Variants in GRIK1 observed in about 807,000 individuals in gnomAD.
GRIK1 encodes glutamate receptor ionotropic, kainate 1.
Under a neutral mutation model 105.7 loss-of-function variants are expected in GRIK1, and 69 were observed. The observed-to-expected ratio is 0.65, with a 90% CI of 0.54 to 0.80. GRIK1 has a LOEUF of 0.80. Among genes scored for constraint, GRIK1 ranks in the 30% least tolerant of loss-of-function variants. GRIK1 has a pLI of 0.00. For missense variants in GRIK1, 1,109 were observed against 1,167.3 expected, an observed-to-expected ratio of 0.95 and a Z score of 0.73; for synonymous variants, 438 against 431.3, an observed-to-expected ratio of 1.02 and a Z score of -0.19.
intron 1 of GRIK1, among the ~76,000 whole-genome samples, chr21:29,905,619 ATTTTTTTTTT>A (rs869179451): frequency 2.8e-5 from 2 of 72,582 alleles, no homozygotes; most frequent in Non-Finnish European, 5.0e-5. Flanking sequence ...CAAATTTTGT[ATTTTTTTTTT>A]TTTTTTTTTT....
intron 1 of GRIK1, among the ~76,000 whole-genome samples, chr21:29,820,657 G>A (rs971604326): frequency 7.3e-4 from 36 of 49,134 alleles, no homozygotes; most frequent in African/African-American, 2.8e-3. Context: ...GACTCTATGG[G>A]ACTATAGTTC....
At chr21:29,563,407 T>C (rs991828447) in intron 14 of GRIK1, among the ~76,000 whole-genome samples, 1 of 152,174 alleles carries the variant, frequency 6.6e-6, no homozygotes, top group African/African-American at 2.4e-5. Context: ...AAAGGTCTTG[T>C]GAGACAAATA....
intron 1 of GRIK1, among the ~76,000 whole-genome samples, chr21:29,874,069 T>C (rs189398548): frequency 6.6e-6 from 1 of 152,236 alleles, no homozygotes; most frequent in East Asian, 1.9e-4. Context: ...ATACTGCGAG[T>C]GACGGGGACT....
At chr21:29,677,841 G>A (rs115356317) in intron 3 of GRIK1, among the ~76,000 whole-genome samples, 1 of 152,194 alleles carries the variant, frequency 6.6e-6, no homozygotes, top group South Asian at 2.1e-4. Flanking sequence ...AGCAGGAATT[G>A]GAAGAGACCT....
chr21:29,572,667 C>T (rs1214898570), intron 14 of GRIK1, among the ~76,000 whole-genome samples: 1 of 152,212 alleles, frequency 6.6e-6, no homozygotes, highest in Non-Finnish European at 1.5e-5. Flanking sequence ...TTGGCTCTTC[C>T]ATTGCTAGCT....
At chr21:29,861,587 G>T (rs1601878675) in intron 1 of GRIK1, 1 of 363,876 alleles carries the variant, frequency 2.7e-6, no homozygotes. Flanking sequence ...GATTATAGGT[G>T]TGAGCCAACA....
At chr21:29,573,709 C>A (rs1383367397) in intron 14 of GRIK1, among the ~76,000 whole-genome samples, 2 of 152,060 alleles carry the variant, frequency 1.3e-5, no homozygotes, top group African/African-American at 2.4e-5. Context: ...ATTAGCCAGG[C>A]ATGGTAGCAT....
intron 1 of GRIK1, among the ~76,000 whole-genome samples, chr21:29,892,712 C>T (rs1011398948): frequency 1.3e-5 from 2 of 152,328 alleles, no homozygotes; most frequent in Admixed American, 6.5e-5. Context: ...TCTCTATGCC[C>T]TTAGAGAAAT....
intron 7 of GRIK1, among the ~76,000 whole-genome samples, chr21:29,623,297 C>T (rs566138195): frequency 6.6e-6 from 1 of 152,122 alleles, no homozygotes; most frequent in African/African-American, 2.4e-5. Flanking sequence ...GAAAGACCCA[C>T]CCTCATGATT....
chr21:29,828,011 CTGTGTGTG>C (rs138594747), intron 1 of GRIK1, among the ~76,000 whole-genome samples: 1 of 76,378 alleles, frequency 1.3e-5, no homozygotes, highest in African/African-American at 3.2e-5. Flanking sequence ...CTGTCTCTCT[CTGTGTGTG>C]TGTGTGTGTG....
chr21:29,793,276 T>G (rs1212490552), intron 1 of GRIK1, among the ~76,000 whole-genome samples: 1 of 152,194 alleles, frequency 6.6e-6, no homozygotes, highest in African/African-American at 2.4e-5. Context: ...AACATTTTTT[T>G]GTGTGTGTAA....
chr21:29,563,176 C>G (rs1568820797), intron 14 of GRIK1, among the ~76,000 whole-genome samples: 1 of 152,198 alleles, frequency 6.6e-6, no homozygotes, highest in Admixed American at 6.5e-5. Flanking sequence ...GATGCACCAT[C>G]TCCGTAGTTC....
Position 29,555,144 on chromosome 21 carries a change from A to G in GRIK1, c.2515T>C (p.Phe839Leu). Residue 839 changes from phenylalanine to leucine, a missense_variant, in exon 16 of 18, where the codon TTC becomes CTC. This residue lies in a region of GRIK1 where 161 missense variants were observed against 143.4 expected (regional missense o/e 1.12). Coordinates refer to ENST00000327783, the MANE Select transcript of GRIK1 (RefSeq NM_001330994.2). ...ACCAGTCCGGCAGCCAGAACAATGA[A>G]GATGCCTCCAATATTTTCCACTCCC... ...ALGVENIGGI[F>L]IVLAAGLVLS... is the part of the protein sequence containing the mutation. 1 of 1,613,892 alleles carries G rather than the reference A, an allele frequency of 6.2e-7. No homozygotes were observed. The highest frequency in any genetic ancestry group is 1.1e-5 in the South Asian group (1 of 91,082).
rs139357694 is a variant in GRIK1 at position 29,939,449 on chromosome 21, T to G, written c.52A>C (p.Ser18Arg). 84 of 1,601,734 alleles carry G rather than the reference T, an allele frequency of 5.2e-5. No homozygotes were observed. The African/African-American group carries it at 9.6e-4, about 18-fold the overall frequency. The change falls in exon 1 of 18, where the codon AGC becomes CGC. Residue 18 changes from serine (S) to arginine (R), a missense_variant. This residue lies in a region of GRIK1 where 612 missense variants were observed against 586.0 expected (regional missense o/e 1.04). Coordinates refer to ENST00000327783, the MANE Select transcript of GRIK1 (RefSeq NM_001330994.2). Reference protein sequence around the residue: ...AQPGLWTRDTSWALLYFLCYI... With the variant: ...AQPGLWTRDTRWALLYFLCYI... ...CAGAGGAAATAGAGGAGTGCCCAGC[T>G]GGTGTCCCTGGTCCAGAGCCCGGGC...
chr21:29,714,639 A>G (rs1366678381), intron 1 of GRIK1, among the ~76,000 whole-genome samples: 2 of 152,192 alleles, frequency 1.3e-5, no homozygotes, highest in Non-Finnish European at 2.9e-5. Context: ...ATGCACTGCG[A>G]TAAGTTTTAT....
chr21:29,785,716 G>C (rs1569091237), intron 1 of GRIK1, among the ~76,000 whole-genome samples: 1 of 152,114 alleles, frequency 6.6e-6, no homozygotes, highest in Non-Finnish European at 1.5e-5. Flanking sequence ...CGTGGCTGCT[G>C]TAGCGAATGA....
At chr21:29,640,819 T>C (rs2146519771) in intron 7 of GRIK1, among the ~76,000 whole-genome samples, 1 of 152,282 alleles carries the variant, frequency 6.6e-6, no homozygotes, top group South Asian at 2.1e-4. Context: ...ACAACCATGA[T>C]CACTGCAGGG....
intron 1 of GRIK1, among the ~76,000 whole-genome samples, chr21:29,819,493 G>T (rs1258081065): frequency 1.3e-5 from 2 of 152,060 alleles, no homozygotes; most frequent in East Asian, 3.9e-4. Flanking sequence ...GTGTGTGTGT[G>T]TGAGAGAGAA....
At chr21:29,757,009 T>C (rs969206426) in intron 1 of GRIK1, among the ~76,000 whole-genome samples, 8 of 151,920 alleles carry the variant, frequency 5.3e-5, no homozygotes, top group African/African-American at 1.9e-4. Context: ...CCCAGCTACT[T>C]GGAAGGCTGA....
Sources: gnomAD v4.1 joint callset for allele counts (sites outside exome capture counted in the v4.1 genomes callset) on GRCh38, gnomAD v4.1.1 for gene constraint, gnomAD v4.1.1 regional missense constraint, MANE v1.5 for transcripts, NCBI Gene and HGNC (gene_info 2026-07-23, HGNC 2026-07-21) for gene names.